The following ZZEF1 variants were observed in gnomAD, a reference collection of about 807,000 sequenced individuals.
The protein encoded by ZZEF1 is zinc finger ZZ-type and EF-hand domain-containing protein 1.
In ZZEF1, 157 loss-of-function variants were observed where a neutral mutation model predicts 342.8. That is an observed-to-expected ratio of 0.46 (90% confidence interval 0.40 to 0.52). The LOEUF (loss-of-function observed/expected upper bound fraction) is 0.52, where lower values mean the gene tolerates loss of function less well. Ranked by LOEUF, ZZEF1 falls within the 20% of genes least tolerant of loss-of-function variation. ZZEF1 has a pLI of 0.00. For synonymous variants in ZZEF1, 1,505 were observed against 1,429.1 expected, an observed-to-expected ratio of 1.05 and a Z score of -1.20; for missense variants, 3,480 against 3,725.6, an observed-to-expected ratio of 0.93 and a Z score of 1.72.
At chr17:4,114,154 A>T in intron 4 of ZZEF1, 145 bp downstream of exon 4, 1 of 551,922 alleles carries the variant, frequency 1.8e-6, no homozygotes, top group Non-Finnish European at 2.9e-6. Context: ...TTAGGAATAT[A>T]TAAGCCAGGT....
At position 4,014,104 on chromosome 17, in the gene ZZEF1, C is replaced by A; in HGVS notation, c.8399G>T (p.Gly2800Val). 6.2e-7 allele frequency: 1 copy of A among 1,614,124 alleles called. No homozygotes were observed. Among genetic ancestry groups the A allele is most frequent in the Non-Finnish European group, 8.5e-7 (1 of 1,180,028 alleles). The change falls in exon 51 of 55, where the codon GGG becomes GTG. Residue 2800 changes from glycine (G) to valine (V), a missense_variant. Physicochemically the swap from Gly to Val is moderately radical, Grantham distance 109. Transcript: ENST00000381638. The surrounding 1 kb of genome is among the most constrained non-coding windows in gnomAD (Gnocchi z 4.4). ...YRFTVTAGHL[G>V]RFQTGFEILK... ...AGAGCACACACCTGTCTGGAACCGC[C>A]CCAGGTGTCCGGCCGTCACGGTGAA...
chr17:4,047,284 T>C (rs773996236), intron 37 of ZZEF1, among the ~76,000 whole-genome samples: 1 of 152,138 alleles, frequency 6.6e-6, no homozygotes, highest in Non-Finnish European at 1.5e-5. Flanking sequence ...TGGCAACATA[T>C]CAAAAGAACA....
At chr17:4,135,882 A>T (rs2058739120) in intron 1 of ZZEF1, among the ~76,000 whole-genome samples, 1 of 150,992 alleles carries the variant, frequency 6.6e-6, no homozygotes, top group African/African-American at 2.5e-5. Flanking sequence ...TTATTGGCTG[A>T]TCCAGTAAAA....
chr17:4,051,712 G>A (rs1192284926), intron 35 of ZZEF1, among the ~76,000 whole-genome samples: 1 of 151,086 alleles, frequency 6.6e-6, no homozygotes, highest in African/African-American at 2.4e-5. Flanking sequence ...CACCGAGCCT[G>A]GTCCTGGAAT....
chr17:4,006,830 G>A lies in ZZEF1; in HGVS notation c.*60C>T, dbSNP rs912267046. 6.6e-6 allele frequency: 10 copies of A among 1,522,150 alleles called. No homozygotes were observed. The highest frequency in any genetic ancestry group is 1.7e-4 in the Middle Eastern group (1 of 5,836). The allele number at this position is 1,522,150 out of a possible 1,614,324, so 94.3% of individuals were successfully genotyped here. ...ACAGGAGTTTTCCTGAATGAGGTTA[G>A]ATGTCTGCTCTAAAATCCCTGTGGC... On this transcript the variant is annotated 3_prime_UTR_variant, in exon 55 of 55. Coordinates refer to ENST00000381638, the MANE Select transcript of ZZEF1 (RefSeq NM_015113.4).
Position 4,004,928 on chromosome 17 carries a change from G to C in ZZEF1, c.*1962C>G, listed in dbSNP as rs1437266988. 1 of 152,362 alleles carries C rather than the reference G, an allele frequency of 6.6e-6. No homozygotes were observed. Among genetic ancestry groups the C allele is most frequent in the African/African-American group, 2.4e-5 (1 of 41,484 alleles). The allele number at this position is 152,362 out of a possible 1,614,324, so 9.4% of individuals were successfully genotyped here. A position where few individuals can be genotyped will look rare whatever the true frequency, so the allele number is the denominator to read the frequency against. ...GAACAGCAAGGGCAGTGGGCGGACAGGTGCTCTGGGGAGCCCAGCGTTTAT... is the reference window on the plus strand; with the variant it reads ...GAACAGCAAGGGCAGTGGGCGGACACGTGCTCTGGGGAGCCCAGCGTTTAT... On this transcript the variant is annotated 3_prime_UTR_variant, in exon 55 of 55. Transcript: ENST00000381638.
At chr17:4,038,113 G>A (rs921459342) in intron 39 of ZZEF1, among the ~76,000 whole-genome samples, 2 of 152,220 alleles carry the variant, frequency 1.3e-5, no homozygotes, top group African/African-American at 4.8e-5. Context: ...AAAATTATTT[G>A]TATAGTACTT....
intron 13 of ZZEF1, 96 bp downstream of exon 13, chr17:4,088,582 C>T (rs138652833): frequency 1.3e-5 from 18 of 1,354,500 alleles, no homozygotes; most frequent in African/African-American, 1.2e-4. Context: ...TATTGGCTTC[C>T]GCAGGGGCAG....
chr17:4,036,042 G>A (rs1036346167), intron 39 of ZZEF1, among the ~76,000 whole-genome samples: 3 of 147,030 alleles, frequency 2.0e-5, no homozygotes, highest in African/African-American at 7.6e-5. Context: ...AGAGGTTGCA[G>A]TGAGCCGAGA....
At position 4,105,572 on chromosome 17, in the gene ZZEF1, C is replaced by A. The variant is rs777554056; in HGVS notation, c.1394+121G>T. On this transcript the variant is annotated intron_variant, in intron 7 of 54. Transcript: ENST00000381638. Reference sequence around the variant, plus strand: ...TATTATGTCACTTTCTCTTTAGCTGCTAAAAAGCAACCATTTTTAGTGGTG... The same window carrying A: ...TATTATGTCACTTTCTCTTTAGCTGATAAAAAGCAACCATTTTTAGTGGTG... The A allele has an allele frequency of 4.9e-6, 4 of 814,078 alleles. No homozygotes were observed. The Admixed American group carries it at 7.3e-5, about 15-fold the overall frequency. 50.4% of individuals were successfully genotyped at this position (814,078 alleles called of 1,614,324 possible).
chr17:4,109,550 C>T, intron 6 of ZZEF1, 103 bp downstream of exon 6: 1 of 1,285,720 alleles, frequency 7.8e-7, no homozygotes, highest in Non-Finnish European at 1.1e-6. Context: ...GCTGACTGAG[C>T]CACAACGATC....
Position 4,017,250 on chromosome 17 carries a change from A to T in ZZEF1, c.8001+121T>A. 1 of 1,388,112 alleles carries T rather than the reference A, an allele frequency of 7.2e-7. No homozygotes were observed. Among genetic ancestry groups the T allele is most frequent in the Non-Finnish European group, 9.7e-7 (1 of 1,032,936 alleles). 86.0% of individuals were successfully genotyped at this position (1,388,112 alleles called of 1,614,324 possible). On this transcript the variant is annotated intron_variant, in intron 48 of 54. Coordinates refer to ENST00000381638, the MANE Select transcript of ZZEF1 (RefSeq NM_015113.4). This position sits in a 1 kb window ranked among gnomAD's most constrained non-coding sequence, Gnocchi z 5.1. ...GTGACCCTACCTTTGCTGCATTCAC[A>T]CCTGTCAGGGAGCTGCACAGCCACA...
intron 39 of ZZEF1, 93 bp downstream of exon 39, chr17:4,042,336 G>A (rs2145114459): frequency 7.4e-7 from 1 of 1,343,280 alleles, no homozygotes; most frequent in Non-Finnish European, 1.0e-6. Context: ...AGGCTACAGA[G>A]ATGATTGTCA....
In ZZEF1 at chr17:4,134,993, G is replaced by A. The variant is rs146473611; in HGVS notation, c.354+7549C>T. 2.8e-4 allele frequency among the ~76,000 whole-genome samples: 43 copies of A among 152,252 alleles called. No individual in the cohort carries two copies. The East Asian group carries it at 8.1e-3, about 29-fold the overall frequency. On this transcript the variant is annotated intron_variant, in intron 1 of 54. Transcript: ENST00000381638. ...TGACCTGCCTGGTGTGGCTGGAAAGGAACAGGGCAGGTGATGAAGACAGGG... is the reference window on the plus strand; with the variant it reads ...TGACCTGCCTGGTGTGGCTGGAAAGAAACAGGGCAGGTGATGAAGACAGGG...
At chr17:4,132,641 G>T (rs570094425) in intron 1 of ZZEF1, among the ~76,000 whole-genome samples, 1 of 150,704 alleles carries the variant, frequency 6.6e-6, no homozygotes, top group African/African-American at 2.4e-5. Context: ...GACCATCCTG[G>T]CTAACACGGT....
intron 40 of ZZEF1, 39 bp downstream of exon 40, chr17:4,033,976 T>A: frequency 6.2e-7 from 1 of 1,603,568 alleles, no homozygotes; most frequent in Non-Finnish European, 8.5e-7. Flanking sequence ...CAAGGTGGGA[T>A]AGAGGGCAGG....
In ZZEF1 at chr17:4,104,709, A is replaced by G; in HGVS notation, c.1497T>C (p.His499=). ...VMSSLCTITD[H]LDTQYDASSL... ...ATGAGGCATCATACTGCGTGTCCAG[A>G]TGGTCAGTGATGGTGCATAGAGAGC... The change falls in exon 8 of 55, where the codon CAT becomes CAC. Residue 499 remains histidine, a synonymous_variant. Coordinates refer to ENST00000381638, the MANE Select transcript of ZZEF1 (RefSeq NM_015113.4). 1.2e-6 allele frequency: 2 copies of G among 1,614,162 alleles called. No homozygotes were observed. The highest frequency in any genetic ancestry group is 1.3e-5 in the African/African-American group (1 of 75,056).
chr17:4,061,673 C>T (rs1567804961), intron 30 of ZZEF1, among the ~76,000 whole-genome samples: 2 of 152,156 alleles, frequency 1.3e-5, no homozygotes, highest in South Asian at 2.1e-4. Context: ...CATCACTATC[C>T]ACCAGCTGTT....
intron 45 of ZZEF1, 52 bp from the exon 46 acceptor site, chr17:4,019,821 G>A (rs2290437): frequency 0.2 from 269,175 of 1,372,036 alleles, 27,684 homozygotes; most frequent in Admixed American, 0.32. Flanking sequence ...GCTTCAATAC[G>A]GTATTGATCA....
Sources: gnomAD v4.1 joint callset for allele counts (sites outside exome capture counted in the v4.1 genomes callset) on GRCh38, gnomAD v4.1.1 for gene constraint, Gnocchi (gnomAD v3.1) non-coding constraint, MANE v1.5 for transcripts, NCBI Gene and HGNC (gene_info 2026-07-23, HGNC 2026-07-21) for gene names.